PDSS2: variants seen among roughly 807,000 people sequenced by gnomAD.
The protein encoded by PDSS2 is all trans-polyprenyl-diphosphate synthase PDSS2.
A neutral mutation model predicts 44.5 loss-of-function variants in PDSS2; 31 were observed. The ratio of observed to expected loss-of-function variants is 0.70; its 90% CI spans 0.52 to 0.94. The LOEUF (loss-of-function observed/expected upper bound fraction) is 0.94, where lower values mean the gene tolerates loss of function less well. Ranked by LOEUF, PDSS2 falls within the 40% of genes least tolerant of loss-of-function variation. PDSS2 has a pLI of 0.00. For missense variants in PDSS2, 452 were observed against 482.2 expected, an observed-to-expected ratio of 0.94 and a Z score of 0.59; for synonymous variants, 157 against 180.3, an observed-to-expected ratio of 0.87 and a Z score of 1.03.
chr6:107,203,883 G>A (rs1772878154), intron 6 of PDSS2, among the ~76,000 whole-genome samples: 1 of 151,508 alleles, frequency 6.6e-6, no homozygotes, highest in Non-Finnish European at 1.5e-5. Flanking sequence ...TACTCTGGAT[G>A]TTTCACATAA....
chr6:107,390,427 T>C (rs954226588), intron 1 of PDSS2, among the ~76,000 whole-genome samples: 1 of 152,030 alleles, frequency 6.6e-6, no homozygotes, highest in Non-Finnish European at 1.5e-5. Flanking sequence ...AGTTGACCAA[T>C]ACTCCTCAAA....
chr6:107,265,645 G>C (rs913125145), intron 3 of PDSS2, among the ~76,000 whole-genome samples: 3 of 152,106 alleles, frequency 2.0e-5, no homozygotes, highest in Admixed American at 2.0e-4. Context: ...AGCATATGTA[G>C]AGATAAGAAA....
chr6:107,378,869 G>A (rs1779371300), intron 1 of PDSS2, among the ~76,000 whole-genome samples: 1 of 152,186 alleles, frequency 6.6e-6, no homozygotes, highest in Non-Finnish European at 1.5e-5. Context: ...TGAGTTTCTG[G>A]AAGGAAGAAC....
intron 1 of PDSS2, among the ~76,000 whole-genome samples, chr6:107,349,003 C>A (rs558051848): frequency 1.0e-3 from 153 of 152,320 alleles, no homozygotes; most frequent in Non-Finnish European, 1.8e-3. Context: ...TTCAGCTATT[C>A]TCATCCTTCC....
At chr6:107,342,755 T>G (rs1196993662) in intron 1 of PDSS2, among the ~76,000 whole-genome samples, 1 of 151,944 alleles carries the variant, frequency 6.6e-6, no homozygotes, top group African/African-American at 2.4e-5. Flanking sequence ...TGAATAAGAG[T>G]TCAAAATTCT....
At chr6:107,224,203 C>G (rs1478651642) in intron 4 of PDSS2, among the ~76,000 whole-genome samples, 1 of 151,378 alleles carries the variant, frequency 6.6e-6, no homozygotes. Context: ...AAGATCACTC[C>G]TTATTGTGGA....
chr6:107,345,539 G>A (rs1011149397), intron 1 of PDSS2, among the ~76,000 whole-genome samples: 3 of 151,412 alleles, frequency 2.0e-5, no homozygotes, highest in African/African-American at 7.3e-5. Flanking sequence ...AGAGGCTAAA[G>A]CCAAATGTAA....
intron 2 of PDSS2, among the ~76,000 whole-genome samples, chr6:107,299,812 A>C (rs1181799882): frequency 6.6e-6 from 1 of 152,190 alleles, no homozygotes; most frequent in Non-Finnish European, 1.5e-5. Flanking sequence ...AATTACTCCC[A>C]GTTGTCCTGG....
At chr6:107,333,971 AGAAAG>A (rs1777792805) in intron 2 of PDSS2, among the ~76,000 whole-genome samples, 1 of 152,256 alleles carries the variant, frequency 6.6e-6, no homozygotes, top group African/African-American at 2.4e-5. Flanking sequence ...TGCCCAAAGT[AGAAAG>A]GAAAGTATTT....
chr6:107,368,892 A>T (rs1013667281), intron 1 of PDSS2, among the ~76,000 whole-genome samples: 1 of 152,244 alleles, frequency 6.6e-6, no homozygotes, highest in Non-Finnish European at 1.5e-5. Context: ...GAACAAAATT[A>T]GAGGACTTGT....
At chr6:107,224,364 A>C (rs1056401606) in intron 4 of PDSS2, among the ~76,000 whole-genome samples, 2 of 151,410 alleles carry the variant, frequency 1.3e-5, no homozygotes, top group African/African-American at 4.9e-5. Context: ...TATGAGGGAA[A>C]TCCACCACTG....
intron 2 of PDSS2, among the ~76,000 whole-genome samples, chr6:107,304,953 T>C (rs576064027): frequency 6.6e-6 from 1 of 150,822 alleles, no homozygotes; most frequent in East Asian, 2.0e-4. Flanking sequence ...GGCAATACTT[T>C]CCTGCTCCTC....
chr6:107,210,103 T>G (rs1209905604), intron 6 of PDSS2, among the ~76,000 whole-genome samples: 1 of 152,098 alleles, frequency 6.6e-6, no homozygotes, highest in Non-Finnish European at 1.5e-5. Context: ...AGATGGGAAA[T>G]TGCAGTCAGT....
chr6:107,290,178 T>G (rs1776296681), intron 2 of PDSS2, among the ~76,000 whole-genome samples: 1 of 152,238 alleles, frequency 6.6e-6, no homozygotes, highest in Non-Finnish European at 1.5e-5. Flanking sequence ...TGCCAAACTG[T>G]AACTATCACA....
chr6:107,304,651 A>AT, intron 2 of PDSS2, among the ~76,000 whole-genome samples: 1 of 152,366 alleles, frequency 6.6e-6, no homozygotes, highest in East Asian at 1.9e-4. Context: ...AAATTACTGT[A>AT]TATCTAGTCC....
intron 4 of PDSS2, among the ~76,000 whole-genome samples, chr6:107,214,635 T>C (rs1163565540): frequency 1.3e-5 from 2 of 152,200 alleles, no homozygotes; most frequent in African/African-American, 4.8e-5. Flanking sequence ...CCTATAATCC[T>C]TTCTCTTTTC....
At chr6:107,390,336 C>A (rs531161521) in intron 1 of PDSS2, among the ~76,000 whole-genome samples, 6 of 152,126 alleles carry the variant, frequency 3.9e-5, no homozygotes, top group African/African-American at 7.2e-5. Flanking sequence ...AAAAGAAGGG[C>A]AATTCATCTC....
intron 7 of PDSS2, among the ~76,000 whole-genome samples, chr6:107,181,889 CAAA>C (rs35752637): frequency 6.1e-4 from 68 of 111,354 alleles, no homozygotes; most frequent in African/African-American, 1.7e-3. Context: ...GACTCTGTCT[CAAA>C]AAAAAAAAAA....
chr6:107,425,231 T>C (rs1656444589), intron 1 of PDSS2, among the ~76,000 whole-genome samples: 1 of 152,072 alleles, frequency 6.6e-6, no homozygotes, highest in Admixed American at 6.5e-5. Context: ...TTGGTACCAG[T>C]AGAGTGGAGC....
Sources: gnomAD v4.1 joint callset for allele counts (sites outside exome capture counted in the v4.1 genomes callset) on GRCh38, gnomAD v4.1.1 for gene constraint, MANE v1.5 for transcripts, NCBI Gene and HGNC (gene_info 2026-07-23, HGNC 2026-07-21) for gene names.